Variants in ACACA observed in about 807,000 individuals in gnomAD.
ACACA encodes the protein acetyl-CoA carboxylase 1.
Under a neutral mutation model 296.1 loss-of-function variants are expected in ACACA, and 103 were observed. The ratio of observed to expected loss-of-function variants is 0.35; its 90% CI spans 0.30 to 0.41. The LOEUF is 0.41. ACACA is among the 10% of genes least tolerant of loss of function. The pLI, the probability that ACACA is intolerant of heterozygous loss-of-function variation, is 1.00. For synonymous variants in ACACA, 953 were observed against 1,038.6 expected, an observed-to-expected ratio of 0.92 and a Z score of 1.58; for missense variants, 1,554 against 2,989.7, an observed-to-expected ratio of 0.52 and a Z score of 11.20.
intron 21 of ACACA, 72 bp downstream of exon 21, chr17:37,244,516 T>G (rs781686632): frequency 5.1e-6 from 8 of 1,567,004 alleles, no homozygotes; most frequent in Non-Finnish European, 7.0e-6. Flanking sequence ...ACAATCATTA[T>G]GAGACTTGGA....
At chr17:37,177,409 G>A (rs1481574426) in intron 41 of ACACA, among the ~76,000 whole-genome samples, 2 of 151,892 alleles carry the variant, frequency 1.3e-5, no homozygotes, top group African/African-American at 2.4e-5. Flanking sequence ...ATTTCAGCAA[G>A]AACAGAGCTC....
At position 37,342,436 on chromosome 17, in the gene ACACA, A is replaced by AAAT. The variant is rs1555652530; in HGVS notation, c.39-2587_39-2586insATT. ...AAAAAAAAAAAAAAAAAAAAAAAAA[A>AAAT]ATATATATATATATATATATATACA... On this transcript the variant is annotated intron_variant, in intron 1 of 55. Coordinates refer to ENST00000616317, the MANE Select transcript of ACACA (RefSeq NM_198834.3). Among the ~76,000 whole-genome samples, 24 of 58,216 alleles carry AAAT rather than the reference A, an allele frequency of 4.1e-4. 1 individual carries two copies. The East Asian group carries it at 5.8e-3, about 14-fold the overall frequency. The allele number at this position is 58,216 out of a possible 152,430, so 38.2% of individuals were successfully genotyped here.
intron 35 of ACACA, 100 bp from the exon 36 acceptor site, chr17:37,193,515 C>A: frequency 5.5e-6 from 5 of 909,608 alleles, no homozygotes; most frequent in Non-Finnish European, 5.4e-6. Flanking sequence ...AGACAGTTTT[C>A]TAGAAAAACA....
At chr17:37,246,380 T>C (rs564834471) in intron 19 of ACACA, among the ~76,000 whole-genome samples, 178 of 152,190 alleles carry the variant, frequency 1.2e-3, no homozygotes, top group Non-Finnish European at 2.2e-3. Flanking sequence ...TTAAGCCAAC[T>C]GATGTTTCTT....
intron 1 of ACACA, among the ~76,000 whole-genome samples, chr17:37,382,493 G>GA (rs1308192143): frequency 1.3e-5 from 2 of 151,886 alleles, no homozygotes; most frequent in Non-Finnish European, 2.9e-5. Context: ...CAGAATAATG[G>GA]AAAAAACTTT....
Position 37,245,069 on chromosome 17 carries a change from T to G in ACACA, c.2595+11A>C, listed in dbSNP as rs780238364. The stretch of plus-strand genomic sequence containing the variant: ...CTTAGAGAGCAATATTCGGAGCACC[T>G]TCCTACTCACCTGCTGAACCTTGCT... On this transcript the variant is annotated intron_variant, in intron 20 of 55. Coordinates refer to ENST00000616317, the MANE Select transcript of ACACA (RefSeq NM_198834.3). The G allele has an allele frequency of 8.1e-6, 13 of 1,614,160 alleles. No individual in the cohort carries two copies. In the South Asian group the frequency reaches 8.8e-5, roughly 11 times the overall value.
intron 3 of ACACA, among the ~76,000 whole-genome samples, chr17:37,321,351 G>A (rs187751738): frequency 1.2e-3 from 187 of 152,188 alleles, no homozygotes; most frequent in Middle Eastern, 6.8e-3. Context: ...CTGGCTGGGC[G>A]TGGTGGCTCA....
At chr17:37,305,327 T>C (rs766514900) in intron 3 of ACACA, among the ~76,000 whole-genome samples, 2 of 152,234 alleles carry the variant, frequency 1.3e-5, no homozygotes, top group African/African-American at 4.8e-5. Context: ...TCTGTTTCCC[T>C]AACAGTGTGC....
At chr17:37,222,596 C>T (rs79322131) in intron 28 of ACACA, among the ~76,000 whole-genome samples, 2,607 of 152,166 alleles carry the variant, frequency 0.017, 78 homozygotes, top group African/African-American at 0.06. Flanking sequence ...TTCTATGGCA[C>T]GGGAAGTATA....
At chr17:37,092,230 G>C (rs998979381) in intron 54 of ACACA, among the ~76,000 whole-genome samples, 1 of 148,134 alleles carries the variant, frequency 6.8e-6, no homozygotes, top group Non-Finnish European at 1.5e-5. Context: ...GGCTGAAAGT[G>C]AGTCATCATA....
intron 48 of ACACA, among the ~76,000 whole-genome samples, chr17:37,123,936 TTC>T (rs1383415489): frequency 6.6e-6 from 1 of 152,194 alleles, no homozygotes; most frequent in East Asian, 1.9e-4. Context: ...TCAGAACAAC[TTC>T]TGTTTTCTAT....
rs1210277886 is a variant in ACACA, at chr17:37,390,268, T to C, written c.38+15994A>G. On this transcript the variant is annotated intron_variant, in intron 1 of 55. Coordinates refer to ENST00000616317, the MANE Select transcript of ACACA (RefSeq NM_198834.3). ...TATATATATATTATATATAATTATATATAATATATTATATATAATTATATA... is the reference window on the plus strand; with the variant it reads ...TATATATATATTATATATAATTATACATAATATATTATATATAATTATATA... 1.5e-3 allele frequency among the ~76,000 whole-genome samples: 97 copies of C among 66,814 alleles called. 6 individuals carry two copies. In the East Asian group the frequency reaches 0.041, roughly 29 times the overall value. 43.8% of individuals were successfully genotyped at this position (66,814 alleles called of 152,430 possible).
Position 37,213,246 on chromosome 17 carries a change from C to T in ACACA, c.3684-2756G>A, listed in dbSNP as rs1032771448. ...CACAGTACACCTGTAATCCTAGCTACTCCGAAGGTTGAGGTGGAAGGATCG... is the reference window on the plus strand; with the variant it reads ...CACAGTACACCTGTAATCCTAGCTATTCCGAAGGTTGAGGTGGAAGGATCG... On this transcript the variant is annotated intron_variant, in intron 29 of 55. Transcript: ENST00000616317. Among the ~76,000 whole-genome samples the T allele has an allele frequency of 2.6e-5, 4 of 151,048 alleles. 1 individual carries two copies. Among genetic ancestry groups the T allele is most frequent in the Admixed American group, 2.6e-4 (4 of 15,144 alleles).
intron 2 of ACACA, among the ~76,000 whole-genome samples, chr17:37,337,012 T>C (rs541061944): frequency 2.3e-4 from 35 of 152,248 alleles, no homozygotes; most frequent in Non-Finnish European, 4.9e-4. Context: ...CCCTGGACCA[T>C]TGGCATCACC....
chr17:37,361,537 A>G (rs59846071), intron 1 of ACACA, among the ~76,000 whole-genome samples: 1 of 152,228 alleles, frequency 6.6e-6, no homozygotes, highest in Non-Finnish European at 1.5e-5. Context: ...AGTGAAAAAA[A>G]AAGTAATTAA....
chr17:37,384,047 T>C (rs2050421042), intron 1 of ACACA, among the ~76,000 whole-genome samples: 2 of 152,028 alleles, frequency 1.3e-5, no homozygotes, highest in Admixed American at 1.3e-4. Context: ...GGGCAGAACA[T>C]GAGGTCAGGA....
intron 3 of ACACA, among the ~76,000 whole-genome samples, chr17:37,295,003 G>C (rs2083261479): frequency 6.6e-6 from 1 of 152,224 alleles, no homozygotes; most frequent in Non-Finnish European, 1.5e-5. Context: ...TTCCACTAGA[G>C]TGATAGCCAT....
chr17:37,148,002 G>A (rs1046368524), intron 45 of ACACA, among the ~76,000 whole-genome samples: 11 of 151,784 alleles, frequency 7.2e-5, no homozygotes, highest in Admixed American at 5.3e-4. Context: ...ATATAGTATC[G>A]GGGCAGGGGG....
chr17:37,129,965 T>TA, intron 46 of ACACA, 110 bp downstream of exon 46: 1 of 1,434,324 alleles, frequency 7.0e-7, no homozygotes, highest in Non-Finnish European at 9.8e-7. Flanking sequence ...AAATATTTTA[T>TA]AAAAAAATTC....
Sources: allele counts gnomAD v4.1 joint callset (sites outside exome capture counted in the v4.1 genomes callset), GRCh38; gene constraint gnomAD v4.1.1; transcripts MANE v1.5; gene names NCBI Gene and HGNC (gene_info 2026-07-23, HGNC 2026-07-21).